Variants in NDRG2 observed in about 807,000 individuals in gnomAD.
NDRG2 encodes NDRG family member 2.
Under a neutral mutation model 58.2 loss-of-function variants are expected in NDRG2, and 34 were observed. The ratio of observed to expected loss-of-function variants is 0.58; its 90% CI spans 0.44 to 0.78. The LOEUF is 0.78. NDRG2 is among the 30% of genes least tolerant of loss of function. The pLI, the probability that NDRG2 is intolerant of heterozygous loss-of-function variation, is 0.00. For missense variants in NDRG2, 434 were observed against 471.2 expected, an observed-to-expected ratio of 0.92 and a Z score of 0.73; for synonymous variants, 187 against 175.9, an observed-to-expected ratio of 1.06 and a Z score of -0.50.
At chr14:21,019,274 G>C in intron 10 of NDRG2, 114 bp from the exon 11 acceptor site, 3 of 1,056,976 alleles carry the variant, frequency 2.8e-6, no homozygotes, top group Non-Finnish European at 4.1e-6. Flanking sequence ...GTCAAATCTT[G>C]GTTATTAAAG....
At chr14:21,066,542 G>T (rs1196767219) in intron 1 of NDRG2, among the ~76,000 whole-genome samples, 1 of 152,144 alleles carries the variant, frequency 6.6e-6, no homozygotes, top group Non-Finnish European at 1.5e-5. Context: ...CCCCATGTTG[G>T]CCAGGATGGT....
intron 1 of NDRG2, 106 bp from the exon 2 acceptor site, chr14:21,023,427 AC>A: frequency 9.6e-7 from 1 of 1,038,338 alleles, no homozygotes; most frequent in Non-Finnish European, 1.4e-6. Flanking sequence ...GAACAGAGGG[AC>A]CCAGGGGTTG....
At chr14:21,058,197 C>T (rs1052677768) in intron 1 of NDRG2, 29 of 1,614,154 alleles carry the variant, frequency 1.8e-5, no homozygotes, top group Non-Finnish European at 2.1e-5. Flanking sequence ...AGCCACGGGC[C>T]CATGTCCCTG....
In NDRG2 at chr14:21,036,683, C is replaced by T. The variant is rs375258574; in HGVS notation, c.25-13362G>A. 1.4e-4 allele frequency among the ~76,000 whole-genome samples: 21 copies of T among 152,342 alleles called. No homozygotes were observed. In the South Asian group the frequency reaches 4.4e-3, roughly 32 times the overall value. On this transcript the variant is annotated intron_variant, in intron 1 of 14. Coordinates refer to the NDRG2 transcript ENST00000403829. ...GTCCCCCACCTCCTCTATGCCCTAT[C>T]TGCTGCTGTCTCCTCTACCTGGAAC...
intron 1 of NDRG2, among the ~76,000 whole-genome samples, chr14:21,067,742 A>G (rs759785277): frequency 3.6e-5 from 5 of 137,660 alleles, no homozygotes; most frequent in Admixed American, 7.9e-5. Flanking sequence ...ATCAACACAT[A>G]CTCTGTTGTG....
chr14:21,067,933 A>C (rs1401874378), intron 1 of NDRG2, among the ~76,000 whole-genome samples: 1 of 149,496 alleles, frequency 6.7e-6, no homozygotes, highest in East Asian at 1.9e-4. Context: ...CTGATTCTCT[A>C]TCCAAACTCC....
Position 21,017,626 on chromosome 14 carries a change from G to A in NDRG2, c.1086C>T (p.Pro362=). The A allele has an allele frequency of 6.2e-7, 1 of 1,613,746 alleles. No homozygotes were observed. The highest frequency in any genetic ancestry group is 8.5e-7 in the Non-Finnish European group (1 of 1,179,860). ...SSESGTLSSG[P]PGHTMEVSC is the part of the protein sequence containing the mutation. ...AGGAGACCTCCATGGTGTGCCCCGG[G>A]GGCCCCGAAGAAAGAGTTCCAGACT... Residue 362 remains proline, a synonymous_variant, in exon 16 of 16, where the codon CCC becomes CCT. Coordinates refer to ENST00000556147, the MANE Select transcript of NDRG2 (RefSeq NM_001320329.2).
At chr14:21,018,392 G>A (rs1878095383) in intron 13 of NDRG2, 65 bp downstream of exon 13, 1 of 1,609,904 alleles carries the variant, frequency 6.2e-7, no homozygotes, top group Admixed American at 1.7e-5. Context: ...GGCCCTGGAG[G>A]CTTAGCAGCT....
At chr14:21,063,784 A>G (rs554742931) in intron 1 of NDRG2, among the ~76,000 whole-genome samples, 1 of 152,330 alleles carries the variant, frequency 6.6e-6, no homozygotes, top group South Asian at 2.1e-4. Flanking sequence ...GGGTAGGAAA[A>G]TGTACAGATC....
chr14:21,065,644 G>A (rs184533781), intron 1 of NDRG2, among the ~76,000 whole-genome samples: 17 of 152,304 alleles, frequency 1.1e-4, no homozygotes, highest in African/African-American at 4.1e-4. Context: ...CAGGTGGCCA[G>A]GGAAGAAGAC....
intron 1 of NDRG2, among the ~76,000 whole-genome samples, chr14:21,044,403 C>A (rs993361478): frequency 2.0e-5 from 3 of 152,224 alleles, no homozygotes; most frequent in Non-Finnish European, 4.4e-5. Context: ...GAGCTTCATC[C>A]CCCAGATCCA....
chr14:21,030,531 C>A, upstream of NDRG2: 1 of 1,583,710 alleles, frequency 6.3e-7, no homozygotes, highest in Non-Finnish European at 8.6e-7. Flanking sequence ...CCCCCTTCTC[C>A]TTCACCCCCA....
At chr14:21,023,688 G>T (rs1394707452) in intron 1 of NDRG2, 14 of 217,660 alleles carry the variant, frequency 6.4e-5, no homozygotes, top group Non-Finnish European at 8.4e-5. Context: ...CTCAGGTAGG[G>T]AGTGAAACTT....
chr14:21,022,445 G>C lies in NDRG2; in HGVS notation c.170C>G (p.Thr57Ser). 3.7e-6 allele frequency: 6 copies of C among 1,614,124 alleles called. No individual in the cohort carries two copies. Among genetic ancestry groups the C allele is most frequent in the Non-Finnish European group, 5.1e-6 (6 of 1,180,022 alleles). The change falls in exon 4 of 16, where the codon ACC becomes AGC. Residue 57 changes from threonine to serine, a missense_variant. Physicochemically the swap from Thr to Ser is moderately conservative, Grantham distance 58. Coordinates refer to ENST00000556147, the MANE Select transcript of NDRG2 (RefSeq NM_001320329.2). ...GATCGCTGGGCGTTTGGGTTTGGGG[G>C]TGCCATAGACAGTGAAAGTGACAGA... is the stretch of plus-strand genomic sequence containing the variant. ...YGSVTFTVYG[T>S]PKPKRPAILT...
At chr14:21,063,867 G>A (rs1288083173) in intron 1 of NDRG2, among the ~76,000 whole-genome samples, 4 of 152,202 alleles carry the variant, frequency 2.6e-5, no homozygotes, top group Non-Finnish European at 5.9e-5. Context: ...CAGTGAGAGG[G>A]AATTTACCTA....
intron 1 of NDRG2, among the ~76,000 whole-genome samples, chr14:21,040,820 C>T (rs977173773): frequency 1.3e-5 from 2 of 152,184 alleles, no homozygotes; most frequent in Non-Finnish European, 2.9e-5. Context: ...GCGATTTCAA[C>T]GATGTTACGT....
chr14:21,054,392 G>T (rs1885592156), intron 1 of NDRG2, among the ~76,000 whole-genome samples: 1 of 151,970 alleles, frequency 6.6e-6, no homozygotes, highest in Non-Finnish European at 1.5e-5. Flanking sequence ...GAACATAGTA[G>T]ACATTAGAGA....
intron 8 of NDRG2, 103 bp from the exon 9 acceptor site, chr14:21,020,079 A>G: frequency 9.9e-7 from 1 of 1,013,854 alleles, no homozygotes. Context: ...GTGGATCACG[A>G]GGTCAGGAGT....
intron 1 of NDRG2, among the ~76,000 whole-genome samples, chr14:21,067,727 C>T (rs901506182): frequency 4.0e-5 from 6 of 149,780 alleles, no homozygotes; most frequent in Non-Finnish European, 8.9e-5. Context: ...ACTAAAAACA[C>T]ACGTATCAAC....
Sources: gnomAD v4.1 joint callset for allele counts (sites outside exome capture counted in the v4.1 genomes callset) on GRCh38, gnomAD v4.1.1 for gene constraint, MANE v1.5 for transcripts, NCBI Gene and HGNC (gene_info 2026-07-23, HGNC 2026-07-21) for gene names.